SLC35F1: variants seen among roughly 807,000 people sequenced by gnomAD.
SLC35F1 encodes the protein solute carrier family 35 member F1.
A neutral mutation model predicts 48.7 loss-of-function variants in SLC35F1; 14 were observed. The observed-to-expected ratio is 0.29, with a 90% CI of 0.19 to 0.45. The LOEUF is 0.45. Ranked by LOEUF, SLC35F1 falls within the 20% of genes least tolerant of loss-of-function variation. The pLI is 1.00. For missense variants in SLC35F1, 404 were observed against 500.0 expected, an observed-to-expected ratio of 0.81 and a Z score of 1.83; for synonymous variants, 190 against 202.2, an observed-to-expected ratio of 0.94 and a Z score of 0.51.
chr6:118,291,258 C>T (rs1221452801), intron 7 of SLC35F1, among the ~76,000 whole-genome samples: 119 of 145,698 alleles, frequency 8.2e-4, no homozygotes, highest in African/African-American at 3.1e-3. Flanking sequence ...CACACACACA[C>T]ACACACACAC....
chr6:118,099,470 T>TCCTCCTCC (rs577434998), intron 1 of SLC35F1, among the ~76,000 whole-genome samples: 63 of 151,710 alleles, frequency 4.2e-4, no homozygotes, highest in African/African-American at 1.2e-3. Context: ...CCACTCCTTC[T>TCCTCCTCC]CCTCCTCCCC....
chr6:118,023,683 C>T (rs1376013508), intron 1 of SLC35F1, among the ~76,000 whole-genome samples: 6 of 152,096 alleles, frequency 3.9e-5, no homozygotes, highest in South Asian at 2.1e-4. Flanking sequence ...GTGTCTGCTC[C>T]GTGACAGTTG....
At position 118,316,618 on chromosome 6, in the gene SLC35F1, A is replaced by T. The variant is rs933046638; in HGVS notation, c.*2366A>T. ...GAAGCAAGTGGATGAAATTATCTCC[A>T]AGTCCACTCAGTAGACTGGAGTTTT... On this transcript the variant is annotated 3_prime_UTR_variant, in exon 8 of 8. Transcript: ENST00000360388. The T allele has an allele frequency of 6.5e-6, 1 of 152,682 alleles. No individual in the cohort carries two copies. The highest frequency in any genetic ancestry group is 2.4e-5 in the African/African-American group (1 of 41,462). 9.5% of individuals were successfully genotyped at this position (152,682 alleles called of 1,614,324 possible). A position where few individuals can be genotyped will look rare whatever the true frequency, so the allele number is the denominator to read the frequency against.
chr6:118,175,333 C>T lies in SLC35F1; in HGVS notation c.349+20713C>T, dbSNP rs752230459. 3.0e-4 allele frequency among the ~76,000 whole-genome samples: 46 copies of T among 152,066 alleles called. 1 individual carries two copies. The highest frequency in any genetic ancestry group is 8.5e-4 in the Admixed American group (13 of 15,250). ...GATGTGAAAAGTCGTGGTGAGAATA[C>T]TTGTCAAGCCTTTTCTGTTATGGAA... On this transcript the variant is annotated intron_variant, in intron 2 of 7. Coordinates refer to ENST00000360388, the MANE Select transcript of SLC35F1 (RefSeq NM_001029858.4).
At chr6:117,972,142 T>C (rs1286423874) in intron 1 of SLC35F1, among the ~76,000 whole-genome samples, 1 of 152,100 alleles carries the variant, frequency 6.6e-6, no homozygotes, top group African/African-American at 2.4e-5. Flanking sequence ...CAAGTTTGAG[T>C]TTTCACAGAT....
At chr6:118,061,059 T>C (rs1582644001) in intron 1 of SLC35F1, among the ~76,000 whole-genome samples, 2 of 152,226 alleles carry the variant, frequency 1.3e-5, no homozygotes, top group Admixed American at 1.3e-4. Flanking sequence ...TCCAAGAGAA[T>C]CCTCTTGATA....
At chr6:118,072,342 A>G (rs1582650621) in intron 1 of SLC35F1, among the ~76,000 whole-genome samples, 1 of 152,090 alleles carries the variant, frequency 6.6e-6, no homozygotes, top group Non-Finnish European at 1.5e-5. Context: ...AGGCGGGTGG[A>G]TCATGAGGTC....
At chr6:117,988,988 G>T (rs1776883050) in intron 1 of SLC35F1, among the ~76,000 whole-genome samples, 1 of 152,146 alleles carries the variant, frequency 6.6e-6, no homozygotes, top group African/African-American at 2.4e-5. Flanking sequence ...GTTTTGGGAG[G>T]TGTCATATTT....
At chr6:117,924,513 C>CATATATAT (rs746173617) in intron 1 of SLC35F1, among the ~76,000 whole-genome samples, 2 of 144,380 alleles carry the variant, frequency 1.4e-5, no homozygotes, top group Non-Finnish European at 3.0e-5. Flanking sequence ...TACGTATATA[C>CATATATAT]ATATATATAT....
At chr6:118,244,669 A>G (rs528358962) in intron 3 of SLC35F1, among the ~76,000 whole-genome samples, 1 of 152,362 alleles carries the variant, frequency 6.6e-6, no homozygotes, top group Non-Finnish European at 1.5e-5. Flanking sequence ...TTCTTATAGT[A>G]ACTGTCACTT....
At chr6:118,077,447 C>G (rs1480285244) in intron 1 of SLC35F1, among the ~76,000 whole-genome samples, 1 of 152,172 alleles carries the variant, frequency 6.6e-6, no homozygotes, top group Non-Finnish European at 1.5e-5. Flanking sequence ...CTTTGAGAAC[C>G]TAAGTTGAAA....
At position 118,288,526 on chromosome 6, in the gene SLC35F1, C is replaced by G. The variant is rs553459298; in HGVS notation, c.1002+3188C>G. Among the ~76,000 whole-genome samples the G allele has an allele frequency of 2.8e-4, 43 of 152,240 alleles. No homozygotes were observed. In the South Asian group the frequency reaches 4.0e-3, roughly 14 times the overall value. On this transcript the variant is annotated intron_variant, in intron 7 of 7. Coordinates refer to ENST00000360388, the MANE Select transcript of SLC35F1 (RefSeq NM_001029858.4). Reference sequence around the variant, plus strand: ...GAGTTATTATCAATAGGAAGGAATGCCTGGTTTACCATAAGGGGTTGTGAA... The same window carrying G: ...GAGTTATTATCAATAGGAAGGAATGGCTGGTTTACCATAAGGGGTTGTGAA...
rs560527491 is a variant in SLC35F1 at position 117,938,160 on chromosome 6, G to C, written c.173+30261G>C. 7.2e-5 allele frequency among the ~76,000 whole-genome samples: 11 copies of C among 152,130 alleles called. No homozygotes were observed. The South Asian group carries it at 2.3e-3, about 32-fold the overall frequency. ...TCTTTACTATTTTGGGGGGCTCTGG[G>C]GTAATATAGAGGAGATGATTTGTTG... On this transcript the variant is annotated intron_variant, in intron 1 of 7. Transcript: ENST00000360388.
intron 1 of SLC35F1, among the ~76,000 whole-genome samples, chr6:118,069,999 G>A (rs1298492639): frequency 2.6e-5 from 4 of 151,284 alleles, no homozygotes; most frequent in East Asian, 1.9e-4. Context: ...AGCCGGGCGC[G>A]GTGGCGGGCG....
chr6:118,054,445 G>A (rs935019895), intron 1 of SLC35F1, among the ~76,000 whole-genome samples: 4 of 152,152 alleles, frequency 2.6e-5, no homozygotes, highest in Non-Finnish European at 5.9e-5. Flanking sequence ...TTTACTTTGG[G>A]ACAAAATATA....
intron 1 of SLC35F1, among the ~76,000 whole-genome samples, chr6:118,141,942 T>G (rs1273451196): frequency 6.6e-6 from 1 of 152,230 alleles, no homozygotes; most frequent in Non-Finnish European, 1.5e-5. Flanking sequence ...TTTTTCCTTC[T>G]TTGTTCTTAA....
chr6:118,301,213 C>T (rs188144763), intron 7 of SLC35F1, among the ~76,000 whole-genome samples: 82 of 152,228 alleles, frequency 5.4e-4, no homozygotes, highest in Middle Eastern at 3.4e-3. Context: ...TTTATTTTCA[C>T]AGGAAACATT....
In SLC35F1 at chr6:118,276,472, G is replaced by C. The variant is rs1325492470; in HGVS notation, c.794+857G>C. Among the ~76,000 whole-genome samples, 4 of 152,152 alleles carry C rather than the reference G, an allele frequency of 2.6e-5. No individual in the cohort carries two copies. In the East Asian group the frequency reaches 7.7e-4, roughly 29 times the overall value. Reference sequence around the variant, plus strand: ...AGATATTTTAGCATCACCTTAAACAGGTTTTACAAATAGGCTGTTTTCAAC... The same window carrying C: ...AGATATTTTAGCATCACCTTAAACACGTTTTACAAATAGGCTGTTTTCAAC... On this transcript the variant is annotated intron_variant, in intron 5 of 7. Transcript: ENST00000360388.
At chr6:118,142,963 T>C (rs1433102374) in intron 1 of SLC35F1, among the ~76,000 whole-genome samples, 2 of 152,176 alleles carry the variant, frequency 1.3e-5, no homozygotes, top group Non-Finnish European at 2.9e-5. Flanking sequence ...TTATCCAGGT[T>C]CTCTGCATGT....
Sources: gnomAD v4.1 joint callset for allele counts (sites outside exome capture counted in the v4.1 genomes callset) on GRCh38, gnomAD v4.1.1 for gene constraint, MANE v1.5 for transcripts, NCBI Gene and HGNC (gene_info 2026-07-23, HGNC 2026-07-21) for gene names.